Variants in CNTNAP5 observed in about 807,000 individuals in gnomAD.
CNTNAP5 encodes contactin-associated protein-like 5.
A neutral mutation model predicts 150.2 loss-of-function variants in CNTNAP5; 72 were observed. The observed-to-expected ratio is 0.48, with a 90% CI of 0.40 to 0.58. CNTNAP5 has a LOEUF of 0.58. Ranked by LOEUF, CNTNAP5 falls within the 20% of genes least tolerant of loss-of-function variation. The probability of loss-of-function intolerance (pLI) is 0.00; values close to 1 mark genes in which losing one functional copy is unlikely to be tolerated. For missense variants in CNTNAP5, 1,636 were observed against 1,626.2 expected, an observed-to-expected ratio of 1.01 and a Z score of -0.10; for synonymous variants, 672 against 619.8, an observed-to-expected ratio of 1.08 and a Z score of -1.25.
intron 1 of CNTNAP5, among the ~76,000 whole-genome samples, chr2:124,113,355 G>A (rs575555436): frequency 3.9e-5 from 6 of 152,052 alleles, no homozygotes; most frequent in African/African-American, 1.2e-4. Flanking sequence ...AAAAGAAAAC[G>A]TTAAAAAATT....
At chr2:124,724,560 G>A (rs895780228) in intron 13 of CNTNAP5, among the ~76,000 whole-genome samples, 1 of 152,134 alleles carries the variant, frequency 6.6e-6, no homozygotes, top group Admixed American at 6.6e-5. Flanking sequence ...ATAGTAATGT[G>A]TGTGGAGATC....
intron 11 of CNTNAP5, among the ~76,000 whole-genome samples, chr2:124,584,661 T>A (rs981427594): frequency 1.3e-5 from 2 of 152,194 alleles, no homozygotes; most frequent in African/African-American, 4.8e-5. Context: ...ATGTTTATTA[T>A]ATTACCACCA....
At chr2:124,334,799 T>G (rs1188813452) in intron 3 of CNTNAP5, among the ~76,000 whole-genome samples, 1 of 152,152 alleles carries the variant, frequency 6.6e-6, no homozygotes. Context: ...ATTGTGTAAT[T>G]GCATAATATG....
chr2:124,482,847 G>C (rs1310281963), intron 7 of CNTNAP5, among the ~76,000 whole-genome samples: 1 of 152,184 alleles, frequency 6.6e-6, no homozygotes, highest in African/African-American at 2.4e-5. Flanking sequence ...CAGAAACTCA[G>C]CCCTTTGTTT....
chr2:124,114,137 A>C (rs1683369713), intron 1 of CNTNAP5, among the ~76,000 whole-genome samples: 1 of 152,066 alleles, frequency 6.6e-6, no homozygotes, highest in Non-Finnish European at 1.5e-5. Context: ...TAAGCTTGCC[A>C]AGCTTCTAAA....
intron 3 of CNTNAP5, among the ~76,000 whole-genome samples, chr2:124,282,468 C>T (rs1258662619): frequency 6.6e-6 from 1 of 152,146 alleles, no homozygotes; most frequent in Non-Finnish European, 1.5e-5. Context: ...TGTTCACAGC[C>T]AGTCTGTTCT....
At chr2:124,616,422 G>A (rs1438033307) in intron 12 of CNTNAP5, among the ~76,000 whole-genome samples, 1 of 152,128 alleles carries the variant, frequency 6.6e-6, no homozygotes, top group Non-Finnish European at 1.5e-5. Flanking sequence ...AGCCTTTATA[G>A]AATTGAAGAG....
At chr2:124,504,817 C>T (rs1694365395) in intron 8 of CNTNAP5, among the ~76,000 whole-genome samples, 1 of 150,832 alleles carries the variant, frequency 6.6e-6, no homozygotes, top group African/African-American at 2.4e-5. Context: ...AGTGATTCTC[C>T]TGCCTCAGCT....
At chr2:124,762,587 G>A (rs972145661) in intron 14 of CNTNAP5, among the ~76,000 whole-genome samples, 12 of 152,112 alleles carry the variant, frequency 7.9e-5, no homozygotes, top group African/African-American at 2.7e-4. Context: ...ATCAGTCACT[G>A]TGATGTAGAT....
chr2:124,786,344 A>AAAGGAAGG lies in CNTNAP5; in HGVS notation c.2753-3555_2753-3554insGAAGGAAG, dbSNP rs1337327605. On this transcript the variant is annotated intron_variant, in intron 17 of 23. Coordinates refer to ENST00000682447, the MANE Select transcript of CNTNAP5 (RefSeq NM_001367498.1). ...AAGGAAGAAAGAAAGAGAAAGAAAGAAAGAAAGGAAGAAAGAAAGAAAGAA... is the reference window on the plus strand; with the variant it reads ...AAGGAAGAAAGAAAGAGAAAGAAAGAAAGGAAGGAAGAAAGGAAGAAAGAAAGAAAGAA... Among the ~76,000 whole-genome samples, 323 of 112,290 alleles carry AAAGGAAGG rather than the reference A, an allele frequency of 2.9e-3. 16 individuals are homozygous for AAAGGAAGG. The highest frequency in any genetic ancestry group is 8.0e-3 in the Middle Eastern group (2 of 250). 73.7% of individuals were successfully genotyped at this position (112,290 alleles called of 152,430 possible).
chr2:124,120,274 C>A (rs1371449423), intron 1 of CNTNAP5, among the ~76,000 whole-genome samples: 1 of 152,140 alleles, frequency 6.6e-6, no homozygotes, highest in African/African-American at 2.4e-5. Flanking sequence ...CTAGGCTGAG[C>A]TGCAAAGGAT....
chr2:124,675,646 C>T (rs1468939075), intron 13 of CNTNAP5, among the ~76,000 whole-genome samples: 1 of 152,094 alleles, frequency 6.6e-6, no homozygotes, highest in African/African-American at 2.4e-5. Flanking sequence ...TTTCTTCTTT[C>T]CTCCATTCTA....
At chr2:124,716,654 C>T (rs1462843000) in intron 13 of CNTNAP5, among the ~76,000 whole-genome samples, 1 of 152,020 alleles carries the variant, frequency 6.6e-6, no homozygotes, top group Non-Finnish European at 1.5e-5. Flanking sequence ...AAACACCTAC[C>T]ATGAGTAAAG....
At chr2:124,285,186 T>C (rs1688116968) in intron 3 of CNTNAP5, among the ~76,000 whole-genome samples, 1 of 152,182 alleles carries the variant, frequency 6.6e-6, no homozygotes, top group South Asian at 2.1e-4. Context: ...TCACTGATAG[T>C]TATTATCCGA....
At chr2:124,799,315 A>G (rs1343483189) in intron 19 of CNTNAP5, among the ~76,000 whole-genome samples, 1 of 152,246 alleles carries the variant, frequency 6.6e-6, no homozygotes, top group Non-Finnish European at 1.5e-5. Flanking sequence ...GGCTACTGCG[A>G]GTTAAAATTT....
intron 19 of CNTNAP5, among the ~76,000 whole-genome samples, chr2:124,857,763 G>A (rs1677413101): frequency 6.6e-6 from 1 of 151,988 alleles, no homozygotes; most frequent in Non-Finnish European, 1.5e-5. Context: ...GGAGGCAGAG[G>A]TTGCAGTGAG....
intron 10 of CNTNAP5, among the ~76,000 whole-genome samples, chr2:124,530,746 CTG>C (rs1353959725): frequency 1.3e-5 from 2 of 152,136 alleles, no homozygotes; most frequent in East Asian, 3.9e-4. Flanking sequence ...CTGACACACA[CTG>C]TGCCCTGTTC....
chr2:124,844,599 C>T (rs555308682), intron 19 of CNTNAP5, among the ~76,000 whole-genome samples: 2 of 152,120 alleles, frequency 1.3e-5, no homozygotes, highest in East Asian at 3.9e-4. Context: ...GCACTATGGT[C>T]ATTTTCACAA....
At chr2:124,510,865 T>C (rs1316164358) in intron 8 of CNTNAP5, among the ~76,000 whole-genome samples, 2 of 152,150 alleles carry the variant, frequency 1.3e-5, no homozygotes, top group Admixed American at 6.5e-5. Flanking sequence ...CTGTGAACCT[T>C]ATCTGAAAAT....
Sources: allele counts gnomAD v4.1 joint callset (sites outside exome capture counted in the v4.1 genomes callset), GRCh38; gene constraint gnomAD v4.1.1; transcripts MANE v1.5; gene names NCBI Gene and HGNC (gene_info 2026-07-23, HGNC 2026-07-21).